Variants in RGR observed in about 807,000 individuals in gnomAD.
The protein encoded by RGR is retinal G protein coupled receptor.
RGR carries 30 observed loss-of-function variants against 28.6 expected under a neutral mutation model. The ratio of observed to expected loss-of-function variants is 1.05; its 90% CI spans 0.78 to 1.42. RGR has a LOEUF of 1.42. RGR is among the 40% of genes most tolerant of loss of function. The pLI is 0.00. For missense variants in RGR, 404 were observed against 375.6 expected, an observed-to-expected ratio of 1.08 and a Z score of -0.62; for synonymous variants, 180 against 156.4, an observed-to-expected ratio of 1.15 and a Z score of -1.13.
chr10:84,255,662 T>A (rs547755669), intron 5 of RGR, among the ~76,000 whole-genome samples: 81 of 151,594 alleles, frequency 5.3e-4, no homozygotes, highest in African/African-American at 1.8e-3. Context: ...TTAGAACAAA[T>A]TCAGATCTTA....
intron 4 of RGR, 113 bp from the exon 5 acceptor site, chr10:84,254,213 C>A: frequency 1.1e-6 from 1 of 926,376 alleles, no homozygotes; most frequent in Non-Finnish European, 1.8e-6. Flanking sequence ...GCGAGCTTGT[C>A]TGAATGGGGC....
intron 3 of RGR, among the ~76,000 whole-genome samples, chr10:84,252,624 G>A (rs977104374): frequency 6.6e-6 from 1 of 152,168 alleles, no homozygotes; most frequent in African/African-American, 2.4e-5. Context: ...ATTTTGGTGA[G>A]TTGCTTAGTT....
intron 3 of RGR, chr10:84,250,657 C>T (rs1272531157): frequency 1.8e-6 from 1 of 551,108 alleles, no homozygotes. Flanking sequence ...GAGAGCATGG[C>T]AGAGCAGTGT....
At chr10:84,247,376 C>G (rs1842759382) in intron 1 of RGR, among the ~76,000 whole-genome samples, 1 of 152,194 alleles carries the variant, frequency 6.6e-6, no homozygotes, top group Non-Finnish European at 1.5e-5. Context: ...AATGAGATGA[C>G]TCATATAAAG....
rs1392521987 is a variant in RGR at position 84,247,633 on chromosome 10, T to C, written c.122T>C (p.Phe41Ser). The change falls in exon 2 of 7, where the codon TTC becomes TCC. Residue 41 changes from phenylalanine to serine, a missense_variant. Coordinates refer to ENST00000652092, the MANE Select transcript of RGR (RefSeq NM_001012720.2). ...LSLNTLTIFS[F>S]CKTPELRTPC... ...CTCAATACCCTGACCATCTTCTCTTTCTGCAAGACCCCGGAGCTGCGGACT... is the reference window on the plus strand; with the variant it reads ...CTCAATACCCTGACCATCTTCTCTTCCTGCAAGACCCCGGAGCTGCGGACT... The C allele has an allele frequency of 6.2e-7, 1 of 1,614,076 alleles. No individual in the cohort carries two copies. The highest frequency in any genetic ancestry group is 1.7e-5 in the Admixed American group (1 of 60,000).
chr10:84,248,551 C>A, intron 2 of RGR: 1 of 357,330 alleles, frequency 2.8e-6, no homozygotes. Context: ...CTGGGATCTC[C>A]CCTCTGACTT....
chr10:84,250,548 A>ACACC, intron 3 of RGR: 1 of 630,712 alleles, frequency 1.6e-6, no homozygotes, highest in Non-Finnish European at 3.0e-6. Flanking sequence ...ACACACACAC[A>ACACC]CACACACCAC....
At chr10:84,252,712 C>T in intron 3 of RGR, 145 bp from the exon 4 acceptor site, 1 of 1,070,484 alleles carries the variant, frequency 9.3e-7, no homozygotes, top group Non-Finnish European at 1.4e-6. Context: ...TGTAGTGGCT[C>T]AATCCTGTAA....
Position 84,253,027 on chromosome 10 carries a change from A to G in RGR, c.512+17A>G. 6.2e-7 allele frequency: 1 copy of G among 1,611,440 alleles called. No individual in the cohort carries two copies. The highest frequency in any genetic ancestry group is 8.5e-7 in the Non-Finnish European group (1 of 1,179,188). ...GGGGGACAGGTGAGGTGGGAGGAGC[A>G]GCTTCGAGGCTCCTATCCATGGGAA... On this transcript the variant is annotated intron_variant, in intron 4 of 6. Coordinates refer to ENST00000652092, the MANE Select transcript of RGR (RefSeq NM_001012720.2).
intron 5 of RGR, 62 bp downstream of exon 5, chr10:84,254,505 C>G (rs1416049854): frequency 7.4e-7 from 1 of 1,357,956 alleles, no homozygotes; most frequent in African/African-American, 1.4e-5. Flanking sequence ...TCTTGGTGTC[C>G]CGAACAAAGA....
chr10:84,249,182 A>G (rs1842785676), intron 3 of RGR, 139 bp downstream of exon 3: 1 of 1,231,444 alleles, frequency 8.1e-7, no homozygotes, highest in Non-Finnish European at 1.2e-6. Context: ...GTGTGCATGC[A>G]TAGGCACTCA....
At chr10:84,248,628 T>G (rs906184497) in intron 2 of RGR, 2 of 524,344 alleles carry the variant, frequency 3.8e-6, no homozygotes, top group Non-Finnish European at 6.9e-6. Context: ...TTTCCCCACC[T>G]ATCAAATACA....
chr10:84,252,783 G>C (rs1842834540), intron 3 of RGR, 74 bp from the exon 4 acceptor site: 1 of 1,578,180 alleles, frequency 6.3e-7, no homozygotes, highest in Non-Finnish European at 8.7e-7. Context: ...TTCGAGATCA[G>C]GAAGTCCATT....
At chr10:84,250,319 T>C (rs1842799206) in intron 3 of RGR, 11 of 716,924 alleles carry the variant, frequency 1.5e-5, no homozygotes, top group Admixed American at 4.0e-5. Flanking sequence ...TAGTCACATG[T>C]ATAGCCCCCT....
At position 84,248,970 on chromosome 10, in the gene RGR, C is replaced by T. The variant is rs1462264053; in HGVS notation, c.285C>T (p.Gly95=). The T allele has an allele frequency of 6.2e-7, 1 of 1,614,122 alleles. No homozygotes were observed. Among genetic ancestry groups the T allele is most frequent in the South Asian group, 1.1e-5 (1 of 91,082 alleles). ...GCTGCCAGGCTCACGGCTTCCAGGG[C>T]TTTGTGACAGCGTTGGCCAGCATCT... is the stretch of plus-strand genomic sequence containing the variant. The part of the protein sequence containing the change: ...SDGCQAHGFQ[G]FVTALASICS... Residue 95 remains glycine, a synonymous_variant, in exon 3 of 7, where the codon GGC becomes GGT. Transcript: ENST00000652092.
At chr10:84,253,483 T>C (rs1842845260) in intron 4 of RGR, among the ~76,000 whole-genome samples, 1 of 152,164 alleles carries the variant, frequency 6.6e-6, no homozygotes, top group South Asian at 2.1e-4. Flanking sequence ...TAGGACAGAA[T>C]GCATGAGGGT....
intron 5 of RGR, among the ~76,000 whole-genome samples, chr10:84,256,097 G>C (rs1195322953): frequency 1.6e-5 from 1 of 61,668 alleles, no homozygotes; most frequent in Non-Finnish European, 2.8e-5. Flanking sequence ...TTGAGACAAG[G>C]TCTTACTCTG....
chr10:84,248,948 G>T lies in RGR; in HGVS notation c.263G>T (p.Cys88Phe). 6.2e-7 allele frequency: 1 copy of T among 1,614,130 alleles called. No homozygotes were observed. The highest frequency in any genetic ancestry group is 8.5e-7 in the Non-Finnish European group (1 of 1,180,028). ...CGCTGGCCCTACGGCTCGGACGGCT[G>T]CCAGGCTCACGGCTTCCAGGGCTTT... is the stretch of plus-strand genomic sequence containing the variant. Reference protein sequence around the residue: ...LRRWPYGSDGCQAHGFQGFVT... With the variant: ...LRRWPYGSDGFQAHGFQGFVT... Residue 88 changes from cysteine to phenylalanine, a missense_variant, in exon 3 of 7, where the codon TGC becomes TTC. Physicochemically the swap from Cys to Phe is radical, Grantham distance 205 (BLOSUM62 -2). Coordinates refer to ENST00000652092, the MANE Select transcript of RGR (RefSeq NM_001012720.2).
At chr10:84,254,178 C>T (rs1842853366) in intron 4 of RGR, 148 bp from the exon 5 acceptor site, 1 of 743,884 alleles carries the variant, frequency 1.3e-6, no homozygotes, top group Non-Finnish European at 2.4e-6. Flanking sequence ...AGGGAGTTCA[C>T]CTGGGACCCG....
Sources: gnomAD v4.1 joint callset for allele counts (sites outside exome capture counted in the v4.1 genomes callset) on GRCh38, gnomAD v4.1.1 for gene constraint, MANE v1.5 for transcripts, NCBI Gene and HGNC (gene_info 2026-07-23, HGNC 2026-07-21) for gene names.